The following GALNT13 variants were observed in gnomAD, a reference collection of about 807,000 sequenced individuals.
The protein encoded by GALNT13 is polypeptide N-acetylgalactosaminyltransferase 13, also known as UDP-GalNAc:polypeptide N-acetylgalactosaminyltransferase 13.
GALNT13 carries 28 observed loss-of-function variants against 64.2 expected under a neutral mutation model. That is an observed-to-expected ratio of 0.44 (90% confidence interval 0.32 to 0.60). GALNT13 has a LOEUF of 0.60. Ranked by LOEUF, GALNT13 falls within the 20% of genes least tolerant of loss-of-function variation. The pLI, the probability that GALNT13 is intolerant of heterozygous loss-of-function variation, is 0.05. For synonymous variants in GALNT13, 214 were observed against 224.6 expected (o/e 0.95, Z 0.42); for missense variants, 577 against 669.8 (o/e 0.86, Z 1.53).
At chr2:153,175,150 G>C in the GALNT13 span, among the ~76,000 whole-genome samples, 2 of 152,114 alleles carry the variant, frequency 1.3e-5, no homozygotes, top group Admixed American at 6.5e-5. Flanking sequence ...CCTAAATTTA[G>C]CTATGTGTTC....
intron 9 of GALNT13, among the ~76,000 whole-genome samples, chr2:154,341,286 T>C (rs1240576055): frequency 6.6e-6 from 1 of 152,090 alleles, no homozygotes; most frequent in Non-Finnish European, 1.5e-5. Context: ...AGAGCCATAG[T>C]GAAACAGGTT....
chr2:153,965,341 A>G (rs1036491869), intron 3 of GALNT13, among the ~76,000 whole-genome samples: 1 of 151,838 alleles, frequency 6.6e-6, no homozygotes, highest in African/African-American at 2.4e-5. Context: ...TTTCTTTTCT[A>G]CCCCTACCAC....
At chr2:154,421,811 G>A (rs1044936274) in intron 11 of GALNT13, among the ~76,000 whole-genome samples, 1 of 151,686 alleles carries the variant, frequency 6.6e-6, no homozygotes, top group African/African-American at 2.4e-5. Context: ...ATTTGTTATA[G>A]ATAGATATCG....
At chr2:153,196,906 C>T in the GALNT13 span, among the ~76,000 whole-genome samples, 6 of 152,316 alleles carry the variant, frequency 3.9e-5, no homozygotes, top group Admixed American at 3.3e-4. Flanking sequence ...CTCGTACCTC[C>T]CCACTGCAGC....
At chr2:153,121,522 C>A in the GALNT13 span, among the ~76,000 whole-genome samples, 2 of 151,912 alleles carry the variant, frequency 1.3e-5, no homozygotes, top group Admixed American at 6.6e-5. Context: ...TGTAATATAA[C>A]CACATTTTAT....
chr2:154,134,531 T>C (rs1682837483), intron 3 of GALNT13, among the ~76,000 whole-genome samples: 1 of 152,238 alleles, frequency 6.6e-6, no homozygotes, highest in African/African-American at 2.4e-5. Context: ...CATTGCTGTT[T>C]ATAATAGATG....
At chr2:153,478,702 T>G in the GALNT13 span, 1 of 725,300 alleles carries the variant, frequency 1.4e-6, no homozygotes, top group South Asian at 2.0e-5. Context: ...CTTTCGAAAG[T>G]CCCTGGGCCG....
chr2:154,433,840 G>C (rs1340311746), intron 11 of GALNT13, among the ~76,000 whole-genome samples: 2 of 152,082 alleles, frequency 1.3e-5, no homozygotes, highest in African/African-American at 4.8e-5. Context: ...TAAAGGGTTA[G>C]TGGTGTTGTG....
intron 9 of GALNT13, among the ~76,000 whole-genome samples, chr2:154,355,911 C>T (rs1407743832): frequency 1.3e-5 from 2 of 152,024 alleles, no homozygotes; most frequent in Non-Finnish European, 2.9e-5. Context: ...GAATCTCAGT[C>T]TGGGCCTTCT....
intron 3 of GALNT13, among the ~76,000 whole-genome samples, chr2:154,013,438 A>G (rs1486881407): frequency 6.6e-6 from 1 of 151,964 alleles, no homozygotes; most frequent in Non-Finnish European, 1.5e-5. Flanking sequence ...AGCGCTTCGT[A>G]GGGTTGTTGG....
intron 3 of GALNT13, among the ~76,000 whole-genome samples, chr2:154,085,926 C>T (rs185369143): frequency 4.0e-5 from 6 of 151,528 alleles, no homozygotes; most frequent in South Asian, 4.2e-4. Context: ...AAAAAATAAA[C>T]GTAAAAAAAT....
chr2:154,110,749 T>C (rs1245644304), intron 3 of GALNT13, among the ~76,000 whole-genome samples: 1 of 152,026 alleles, frequency 6.6e-6, no homozygotes, highest in Non-Finnish European at 1.5e-5. Context: ...ATCAATACTT[T>C]GCATCCTTCA....
the GALNT13 span, among the ~76,000 whole-genome samples, chr2:153,716,396 GTA>G: frequency 6.6e-6 from 1 of 152,136 alleles, no homozygotes; most frequent in East Asian, 1.9e-4. Context: ...CGGTGATAGT[GTA>G]TTTTATGAGT....
the GALNT13 span, among the ~76,000 whole-genome samples, chr2:153,359,899 A>T: frequency 1.1e-4 from 17 of 152,214 alleles, no homozygotes; most frequent in African/African-American, 4.1e-4. Flanking sequence ...GAAATGAAAA[A>T]TATGAGACAG....
At position 154,394,077 on chromosome 2, in the gene GALNT13, C is replaced by CAAAAAAAAAAA. The variant is rs369267777; in HGVS notation, c.1157-1897_1157-1887dup. ...TGGGCGACAGAGCGAGACTCCGTCTCAAAAAAAAAAAAAAAAAAAAAAAAA... is the reference window on the plus strand; with the variant it reads ...TGGGCGACAGAGCGAGACTCCGTCTCAAAAAAAAAAAAAAAAAAAAAAAAAAAAAAAAAAAA... On this transcript the variant is annotated intron_variant, in intron 9 of 12. Coordinates refer to ENST00000392825, the MANE Select transcript of GALNT13 (RefSeq NM_052917.4). Among the ~76,000 whole-genome samples the CAAAAAAAAAAA allele has an allele frequency of 4.7e-3, 152 of 32,004 alleles. 14 individuals are homozygous for CAAAAAAAAAAA. Among genetic ancestry groups the CAAAAAAAAAAA allele is most frequent in the East Asian group, 0.011 (9 of 800 alleles). The allele number at this position is 32,004 out of a possible 152,430, so 21.0% of individuals were successfully genotyped here.
chr2:153,763,815 G>T, the GALNT13 span, among the ~76,000 whole-genome samples: 1 of 152,146 alleles, frequency 6.6e-6, no homozygotes, highest in African/African-American at 2.4e-5. Flanking sequence ...AGGAAAATGT[G>T]GGAAAGTTTA....
At chr2:154,282,277 A>G (rs946311027) in intron 8 of GALNT13, among the ~76,000 whole-genome samples, 2 of 150,734 alleles carry the variant, frequency 1.3e-5, no homozygotes, top group Non-Finnish European at 2.9e-5. Flanking sequence ...TTTGAGGGGG[A>G]AAAACACATT....
the GALNT13 span, among the ~76,000 whole-genome samples, chr2:153,745,504 T>C: frequency 6.6e-6 from 1 of 152,154 alleles, no homozygotes; most frequent in Non-Finnish European, 1.5e-5. Flanking sequence ...TTGAGGTTTT[T>C]TCCTCTCATT....
chr2:153,457,993 C>G, the GALNT13 span, among the ~76,000 whole-genome samples: 1 of 152,266 alleles, frequency 6.6e-6, no homozygotes, highest in Non-Finnish European at 1.5e-5. Flanking sequence ...GATTTTACCT[C>G]CTAAACATTG....
Sources: allele counts gnomAD v4.1 joint callset (sites outside exome capture counted in the v4.1 genomes callset), GRCh38; gene constraint gnomAD v4.1.1; transcripts MANE v1.5; gene names NCBI Gene and HGNC (gene_info 2026-07-23, HGNC 2026-07-21).